The following POLB variants were observed in gnomAD, a reference collection of about 807,000 sequenced individuals.
POLB encodes DNA polymerase beta.
POLB carries 37 observed loss-of-function variants against 52.7 expected under a neutral mutation model. The ratio of observed to expected loss-of-function variants is 0.70; its 90% CI spans 0.54 to 0.92. The LOEUF (loss-of-function observed/expected upper bound fraction) is 0.92. Among genes scored for constraint, POLB ranks in the 40% least tolerant of loss-of-function variants. The probability of loss-of-function intolerance (pLI) is 0.00; values close to 1 mark genes in which losing one functional copy is unlikely to be tolerated. For synonymous variants in POLB, 138 were observed against 131.3 expected (o/e 1.05, Z -0.35); for missense variants, 313 against 400.8 (o/e 0.78, Z 1.87).
intron 11 of POLB, among the ~76,000 whole-genome samples, chr8:42,366,014 C>T (rs1226451017): frequency 1.3e-5 from 2 of 151,848 alleles, no homozygotes; most frequent in African/African-American, 2.4e-5. Flanking sequence ...GTGGAAGGAT[C>T]GCTTGAACCA....
intron 6 of POLB, 138 bp downstream of exon 6, chr8:42,352,706 G>A (rs1269895555): frequency 1.5e-6 from 1 of 650,938 alleles, no homozygotes; most frequent in Non-Finnish European, 2.8e-6. Context: ...TAACTCTGTA[G>A]TACAGTAGAT....
intron 3 of POLB, among the ~76,000 whole-genome samples, chr8:42,347,996 C>G (rs1414241011): frequency 6.6e-6 from 1 of 151,978 alleles, no homozygotes; most frequent in Non-Finnish European, 1.5e-5. Flanking sequence ...ACCAAAGTTG[C>G]AAATTAAACA....
chr8:42,367,149 C>T (rs1824090816), intron 11 of POLB, among the ~76,000 whole-genome samples: 1 of 152,186 alleles, frequency 6.6e-6, no homozygotes. Context: ...TCCTCCATTC[C>T]AGGCACTGTT....
chr8:42,354,469 A>G, intron 6 of POLB: 1 of 1,282,738 alleles, frequency 7.8e-7, no homozygotes, highest in South Asian at 1.2e-5. Flanking sequence ...GAACTGAGTC[A>G]CTTTTAGACT....
In POLB at chr8:42,362,267, AT is replaced by A. The variant is rs59792998; in HGVS notation, c.622-344del. ...GAACGAGACTCCATCTAAAAATAAA[AT>A]AAAATAAAATAAAATAAAATAAAAT... On this transcript the variant is annotated intron_variant, in intron 10 of 13. Transcript: ENST00000265421. Among the ~76,000 whole-genome samples the A allele has an allele frequency of 2.0e-3, 172 of 87,256 alleles. 4 individuals are homozygous for A. The African/African-American group carries it at 0.029, about 15-fold the overall frequency. The allele number at this position is 87,256 out of a possible 152,430, so 57.2% of individuals were successfully genotyped here. A position where few individuals can be genotyped will look rare whatever the true frequency, so the allele number is the denominator to read the frequency against.
At chr8:42,355,831 CTG>C (rs1329469261) in intron 7 of POLB, among the ~76,000 whole-genome samples, 4 of 152,176 alleles carry the variant, frequency 2.6e-5, no homozygotes, top group Admixed American at 6.5e-5. Flanking sequence ...ATACCTAGGA[CTG>C]AGTGTATCAG....
At chr8:42,338,744 C>T (rs1822004628) in intron 1 of POLB, 59 bp downstream of exon 1, 2 of 1,504,924 alleles carry the variant, frequency 1.3e-6, no homozygotes, top group Non-Finnish European at 1.9e-6. Context: ...CTTCCCCTGC[C>T]TTCCTTCTCT....
At chr8:42,365,218 T>C (rs1348091241) in intron 11 of POLB, among the ~76,000 whole-genome samples, 1 of 152,226 alleles carries the variant, frequency 6.6e-6, no homozygotes, top group Non-Finnish European at 1.5e-5. Context: ...AAGTGTATTT[T>C]CTAAGGTGGT....
intron 2 of POLB, among the ~76,000 whole-genome samples, chr8:42,342,921 G>T (rs1012001396): frequency 6.6e-6 from 1 of 152,156 alleles, no homozygotes. Flanking sequence ...GCGTGTGGTG[G>T]CTCATGCCTG....
chr8:42,367,740 C>T (rs761398973), intron 11 of POLB, among the ~76,000 whole-genome samples: 3 of 152,070 alleles, frequency 2.0e-5, no homozygotes, highest in Admixed American at 1.3e-4. Flanking sequence ...TCATCTTGTG[C>T]AATCATAGTC....
intron 5 of POLB, among the ~76,000 whole-genome samples, chr8:42,352,108 A>G (rs1823006136): frequency 6.6e-6 from 1 of 152,140 alleles, no homozygotes; most frequent in Non-Finnish European, 1.5e-5. Context: ...TTCTATTTTA[A>G]TTTATCCATC....
intron 3 of POLB, 84 bp from the exon 4 acceptor site, chr8:42,348,932 C>T: frequency 1.4e-6 from 1 of 737,322 alleles, no homozygotes; most frequent in Non-Finnish European, 2.2e-6. Context: ...ATTTGTTTTT[C>T]ATTTTCTGCT....
At chr8:42,362,153 G>A (rs1484276588) in intron 10 of POLB, among the ~76,000 whole-genome samples, 1 of 151,966 alleles carries the variant, frequency 6.6e-6, no homozygotes, top group African/African-American at 2.4e-5. Context: ...CCAGCTACTC[G>A]GGAGGCTGAG....
intron 13 of POLB, among the ~76,000 whole-genome samples, chr8:42,371,025 C>T (rs553190705): frequency 6.6e-6 from 1 of 152,308 alleles, no homozygotes; most frequent in South Asian, 2.1e-4. Flanking sequence ...GTGAGGATGA[C>T]TTGAGTGGCC....
intron 7 of POLB, 126 bp downstream of exon 7, chr8:42,355,693 C>T (rs374598159): frequency 1.6e-6 from 1 of 620,392 alleles, no homozygotes; most frequent in Non-Finnish European, 2.9e-6. Context: ...TTCAGAAGTG[C>T]TAAGATTTGT....
intron 4 of POLB, 103 bp downstream of exon 4, chr8:42,349,193 T>G (rs553331267): frequency 9.3e-6 from 6 of 645,746 alleles, no homozygotes; most frequent in Non-Finnish European, 1.7e-5. Context: ...GTAGTGAGAC[T>G]CACAGGAAAT....
chr8:42,370,300 A>G, intron 13 of POLB: 1 of 375,706 alleles, frequency 2.7e-6, no homozygotes, highest in South Asian at 2.0e-5. Context: ...TGTTTAATGT[A>G]CCTCTAGGAC....
chr8:42,349,920 T>G, intron 4 of POLB, 87 bp from the exon 5 acceptor site: 1 of 920,606 alleles, frequency 1.1e-6, no homozygotes, highest in Non-Finnish European at 1.8e-6. Context: ...TCTTCATGTC[T>G]TTTAGCAGAC....
chr8:42,355,454 T>C, intron 6 of POLB, 62 bp from the exon 7 acceptor site: 1 of 910,498 alleles, frequency 1.1e-6, no homozygotes, highest in East Asian at 2.4e-5. Flanking sequence ...TCATTGAGTT[T>C]AGCATTTTCC....
Sources: allele counts gnomAD v4.1 joint callset (sites outside exome capture counted in the v4.1 genomes callset), GRCh38; gene constraint gnomAD v4.1.1; transcripts MANE v1.5; gene names NCBI Gene and HGNC (gene_info 2026-07-23, HGNC 2026-07-21).